The following POSTN variants were observed in gnomAD, a reference collection of about 807,000 sequenced individuals.
POSTN encodes the protein osteoblast specific factor 2 (fasciclin I-like).
Under a neutral mutation model 104.5 loss-of-function variants are expected in POSTN, and 71 were observed. The observed-to-expected ratio is 0.68, with a 90% confidence interval of 0.56 to 0.83. POSTN has a LOEUF of 0.83. Ranked by LOEUF, POSTN falls within the 40% of genes least tolerant of loss-of-function variation. The pLI, the probability that POSTN is intolerant of heterozygous loss-of-function variation, is 0.00. For synonymous variants in POSTN, 355 were observed against 340.7 expected, an observed-to-expected ratio of 1.04 and a Z score of -0.46; for missense variants, 949 against 1,006.8, an observed-to-expected ratio of 0.94 and a Z score of 0.78.
At chr13:37,592,290 C>T (rs1300221263) in intron 2 of POSTN, 126 bp from the exon 3 acceptor site, 67 of 596,444 alleles carry the variant, frequency 1.1e-4, no homozygotes, top group Non-Finnish European at 1.8e-4. Flanking sequence ...GGTTTTTTTT[C>T]CCCCCTGATT....
chr13:37,570,341 A>G (rs929904086), intron 19 of POSTN, among the ~76,000 whole-genome samples: 10 of 151,854 alleles, frequency 6.6e-5, no homozygotes, highest in Admixed American at 2.0e-4. Flanking sequence ...ATCATATTAC[A>G]TGTATGTATG....
chr13:37,597,347 G>C lies in POSTN; in HGVS notation c.120-65C>G, dbSNP rs536035490. The C allele has an allele frequency of 1.1e-5, 11 of 1,014,106 alleles. No individual in the cohort carries two copies. The South Asian group carries it at 1.6e-4, about 14-fold the overall frequency. 62.8% of individuals were successfully genotyped at this position (1,014,106 alleles called of 1,614,324 possible). A position where few individuals can be genotyped will look rare whatever the true frequency, so the allele number is the denominator to read the frequency against. The stretch of plus-strand genomic sequence containing the variant: ...TAATGACTAGTTTTTCGTATCTAAA[G>C]ATTGGTTGATAGAAGAAAATGTTGA... On this transcript the variant is annotated intron_variant, in intron 1 of 22. Transcript: ENST00000379747.
chr13:37,582,625 T>G, intron 9 of POSTN, 111 bp from the exon 10 acceptor site: 1 of 1,046,434 alleles, frequency 9.6e-7, no homozygotes, highest in Non-Finnish European at 1.3e-6. Flanking sequence ...ATTGATATCA[T>G]GGATTTTGCA....
intron 2 of POSTN, among the ~76,000 whole-genome samples, chr13:37,593,224 T>C (rs1593367800): frequency 6.6e-6 from 1 of 150,510 alleles, no homozygotes; most frequent in African/African-American, 2.4e-5. Context: ...TAATTTACTA[T>C]ATTTTGAGGG....
intron 21 of POSTN, among the ~76,000 whole-genome samples, chr13:37,568,278 A>G (rs976826227): frequency 6.6e-6 from 1 of 152,088 alleles, no homozygotes; most frequent in Non-Finnish European, 1.5e-5. Context: ...ACTATCACTG[A>G]CAAGTTTCTA....
intron 21 of POSTN, among the ~76,000 whole-genome samples, chr13:37,568,260 A>T (rs1354859127): frequency 1.3e-5 from 2 of 152,192 alleles, no homozygotes; most frequent in Admixed American, 6.5e-5. Flanking sequence ...TGAATTAAAA[A>T]TTTTTAAACT....
In POSTN at chr13:37,582,532, A is replaced by G. The variant is rs1308765956; in HGVS notation, c.1244-18T>C. 6.3e-7 allele frequency: 1 copy of G among 1,575,064 alleles called. No homozygotes were observed. The highest frequency in any genetic ancestry group is 8.6e-7 in the Non-Finnish European group (1 of 1,162,684). On this transcript the variant is annotated intron_variant, in intron 9 of 22. Coordinates refer to ENST00000379747, the MANE Select transcript of POSTN (RefSeq NM_006475.3). Reference sequence around the variant, plus strand: ...AGTATCATCTGTAAATAAATTCATTAAGAAAGAGCATTATTTTATTTAGAA... The same window carrying G: ...AGTATCATCTGTAAATAAATTCATTGAGAAAGAGCATTATTTTATTTAGAA...
At chr13:37,592,048 A>C in intron 3 of POSTN, 52 bp downstream of exon 3, 1,707 of 1,312,538 alleles carry the variant, frequency 1.3e-3, no homozygotes, top group Non-Finnish European at 1.7e-3. Flanking sequence ...AGCCACCTCA[A>C]CCCTTTCTTT....
At chr13:37,584,464 G>T (rs1949390513) in intron 8 of POSTN, among the ~76,000 whole-genome samples, 1 of 152,026 alleles carries the variant, frequency 6.6e-6, no homozygotes, top group Non-Finnish European at 1.5e-5. Flanking sequence ...GAAAAACTCT[G>T]GCACTGTGAA....
chr13:37,586,126 G>T lies in POSTN; in HGVS notation c.895+13C>A, dbSNP rs765900362. 2 of 1,604,952 alleles carry T rather than the reference G, an allele frequency of 1.2e-6. No homozygotes were observed. The highest frequency in any genetic ancestry group is 1.1e-5 in the South Asian group (1 of 89,746). On this transcript the variant is annotated intron_variant, in intron 7 of 22. Coordinates refer to ENST00000379747, the MANE Select transcript of POSTN (RefSeq NM_006475.3). ...TGCTGGGAGACTCCTTAGAGATGAA[G>T]ACATTAAACTACCTTCGGAAGCCAC...
At chr13:37,575,451 CT>C (rs1265411189) in intron 16 of POSTN, among the ~76,000 whole-genome samples, 4 of 151,546 alleles carry the variant, frequency 2.6e-5, no homozygotes, top group African/African-American at 7.3e-5. Flanking sequence ...GTGTACCCCC[CT>C]AGATCTATAA....
At chr13:37,570,863 T>C (rs1950241690) in intron 18 of POSTN, 194 bp from the exon 19 acceptor site, 3 of 477,870 alleles carry the variant, frequency 6.3e-6, no homozygotes, top group South Asian at 3.1e-5. Flanking sequence ...ATGTCCTGAA[T>C]CTTGGTTGAG....
chr13:37,582,317 A>G, intron 10 of POSTN, 49 bp downstream of exon 10: 1 of 1,544,564 alleles, frequency 6.5e-7, no homozygotes, highest in South Asian at 1.2e-5. Flanking sequence ...AAACAGCATT[A>G]TTTGACATGT....
chr13:37,571,148 G>C (rs529135155), intron 18 of POSTN: 1 of 430,748 alleles, frequency 2.3e-6, no homozygotes, highest in Admixed American at 4.2e-5. Context: ...GTTGGGCCCA[G>C]TGACTTAATA....
chr13:37,583,679 C>T (rs990087051), intron 9 of POSTN, among the ~76,000 whole-genome samples: 2 of 152,004 alleles, frequency 1.3e-5, no homozygotes, highest in Non-Finnish European at 2.9e-5. Context: ...CCTGTCTTGG[C>T]CTCCCGAAGT....
intron 16 of POSTN, 55 bp from the exon 17 acceptor site, chr13:37,574,707 G>A: frequency 6.7e-7 from 1 of 1,487,914 alleles, no homozygotes; most frequent in Non-Finnish European, 8.9e-7. Flanking sequence ...CCTGAACAAA[G>A]GTTTTTTTTT....
At position 37,577,828 on chromosome 13, in the gene POSTN, T is replaced by C. The variant is rs1270962493; in HGVS notation, c.1963-30A>G. ...AAATAAATGTTTATATTTAGTAACATGAAAGGTGATAGTTGTGTTAACAAA... is the reference window on the plus strand; with the variant it reads ...AAATAAATGTTTATATTTAGTAACACGAAAGGTGATAGTTGTGTTAACAAA... On this transcript the variant is annotated intron_variant, in intron 15 of 22. Transcript: ENST00000379747. 2.5e-6 allele frequency: 4 copies of C among 1,612,584 alleles called. 1 individual carries two copies. The South Asian group carries it at 3.3e-5, about 13-fold the overall frequency.
At chr13:37,565,770 C>A (rs1343968160) in intron 21 of POSTN, among the ~76,000 whole-genome samples, 1 of 151,998 alleles carries the variant, frequency 6.6e-6, no homozygotes, top group African/African-American at 2.4e-5. Flanking sequence ...ACAACCAAGT[C>A]TGAGTTATGA....
Position 37,587,867 on chromosome 13 carries a change from T to G in POSTN, c.561A>C (p.Ser187=), listed in dbSNP as rs1023629612. ...KDLKNGMIIP[S]MYNNLGLFIN... ...TGAAAAGCCCCAAATTGTTATACAT[T>G]GAAGGAATAATCATGCCATTTTTTA... Residue 187 remains serine, a synonymous_variant, in exon 5 of 23, where the codon TCA becomes TCC. Transcript: ENST00000379747. 3 of 1,605,722 alleles carry G rather than the reference T, an allele frequency of 1.9e-6. No individual in the cohort carries two copies. The highest frequency in any genetic ancestry group is 2.6e-6 in the Non-Finnish European group (3 of 1,173,220).
Sources: allele counts gnomAD v4.1 joint callset (sites outside exome capture counted in the v4.1 genomes callset), GRCh38; gene constraint gnomAD v4.1.1; transcripts MANE v1.5; gene names NCBI Gene and HGNC (gene_info 2026-07-23, HGNC 2026-07-21).